Variants in TCERG1L observed in about 807,000 individuals in gnomAD.
TCERG1L encodes the protein transcription elongation regulator 1 like.
A neutral mutation model predicts 56.3 loss-of-function variants in TCERG1L; 37 were observed. The observed-to-expected ratio is 0.66, with a 90% CI of 0.51 to 0.87. The LOEUF is 0.87. TCERG1L is among the 40% of genes least tolerant of loss of function. The pLI, the probability that TCERG1L is intolerant of heterozygous loss-of-function variation, is 0.00. For synonymous variants in TCERG1L, 324 were observed against 326.3 expected, an observed-to-expected ratio of 0.99 and a Z score of 0.08; for missense variants, 799 against 774.2, an observed-to-expected ratio of 1.03 and a Z score of -0.38.
intron 4 of TCERG1L, among the ~76,000 whole-genome samples, chr10:131,253,318 C>T (rs975050277): frequency 1.3e-5 from 2 of 152,228 alleles, no homozygotes; most frequent in Non-Finnish European, 2.9e-5. Flanking sequence ...GAGTCCCGCC[C>T]TCACTCTGCC....
rs553330415 is a variant in TCERG1L at position 131,165,849 on chromosome 10, G to C, written c.945+948C>G. Among the ~76,000 whole-genome samples the C allele has an allele frequency of 3.2e-4, 49 of 152,324 alleles. No homozygotes were observed. The South Asian group carries it at 9.9e-3, about 31-fold the overall frequency. On this transcript the variant is annotated intron_variant, in intron 5 of 11. Coordinates refer to ENST00000368642, the MANE Select transcript of TCERG1L (RefSeq NM_174937.4). ...TTGGTGATAAAAACGGCTAATCATGGTATAAAACTCTTGTTCCACGTTGAA... is the reference window on the plus strand; with the variant it reads ...TTGGTGATAAAAACGGCTAATCATGCTATAAAACTCTTGTTCCACGTTGAA...
At chr10:131,245,852 C>T (rs1313825210) in intron 4 of TCERG1L, among the ~76,000 whole-genome samples, 1 of 152,098 alleles carries the variant, frequency 6.6e-6, no homozygotes, top group Non-Finnish European at 1.5e-5. Flanking sequence ...AAGGGCTGGC[C>T]AGGAGTCCTG....
At chr10:131,100,455 T>C (rs189453846) in intron 10 of TCERG1L, among the ~76,000 whole-genome samples, 2 of 152,374 alleles carry the variant, frequency 1.3e-5, no homozygotes, top group Non-Finnish European at 2.9e-5. Flanking sequence ...CTTTATTTTA[T>C]GCTGCTATAA....
intron 4 of TCERG1L, among the ~76,000 whole-genome samples, chr10:131,248,769 G>A (rs906348843): frequency 3.9e-5 from 6 of 152,178 alleles, no homozygotes; most frequent in Admixed American, 1.3e-4. Flanking sequence ...CCAAGTCTCC[G>A]GCAGAGCTGA....
chr10:131,093,641 G>A (rs1367048917), intron 11 of TCERG1L, among the ~76,000 whole-genome samples: 1 of 152,164 alleles, frequency 6.6e-6, no homozygotes. Flanking sequence ...AGCTTTGCTG[G>A]CCAGGTCTCC....
intron 4 of TCERG1L, among the ~76,000 whole-genome samples, chr10:131,208,984 G>A (rs1194064176): frequency 2.6e-5 from 4 of 151,160 alleles, no homozygotes; most frequent in Non-Finnish European, 4.4e-5. Context: ...CGTGAACCCG[G>A]GAGGTGGAGG....
At chr10:131,154,025 G>T (rs1845893940) in intron 6 of TCERG1L, among the ~76,000 whole-genome samples, 1 of 152,176 alleles carries the variant, frequency 6.6e-6, no homozygotes, top group South Asian at 2.1e-4. Flanking sequence ...GACGGGGCCA[G>T]CTGTAACACG....
intron 10 of TCERG1L, among the ~76,000 whole-genome samples, chr10:131,101,864 C>G (rs112220161): frequency 6.6e-6 from 1 of 152,048 alleles, no homozygotes; most frequent in African/African-American, 2.4e-5. Flanking sequence ...TTACACTTGG[C>G]TAATTTTTGG....
At chr10:131,198,622 C>T (rs776717417) in intron 4 of TCERG1L, among the ~76,000 whole-genome samples, 22 of 152,230 alleles carry the variant, frequency 1.4e-4, no homozygotes, top group Non-Finnish European at 2.8e-4. Flanking sequence ...GGTGCTGGAG[C>T]GGCCCCACAG....
At chr10:131,137,295 C>T (rs117467356) in intron 7 of TCERG1L, among the ~76,000 whole-genome samples, 3,195 of 152,310 alleles carry the variant, frequency 0.021, 47 homozygotes, top group South Asian at 0.041. Flanking sequence ...GGGTCCCGAG[C>T]TCTCACTGTG....
At chr10:131,159,993 C>T (rs1254223918) in intron 6 of TCERG1L, among the ~76,000 whole-genome samples, 1 of 152,200 alleles carries the variant, frequency 6.6e-6, no homozygotes, top group Non-Finnish European at 1.5e-5. Context: ...CAAGCCTAGG[C>T]TCTCTCTGCA....
chr10:131,220,996 A>T (rs547420676), intron 4 of TCERG1L, among the ~76,000 whole-genome samples: 1 of 152,142 alleles, frequency 6.6e-6, no homozygotes, highest in Non-Finnish European at 1.5e-5. Context: ...GCAACTGGAC[A>T]CCTGCAGTGT....
At chr10:131,283,485 A>G (rs1392981112) in intron 3 of TCERG1L, among the ~76,000 whole-genome samples, 1 of 152,228 alleles carries the variant, frequency 6.6e-6, no homozygotes, top group African/African-American at 2.4e-5. Context: ...GATAAGCTCA[A>G]AGTTAAAGAA....
chr10:131,151,988 G>A (rs1026373221), intron 6 of TCERG1L, among the ~76,000 whole-genome samples: 2 of 152,164 alleles, frequency 1.3e-5, no homozygotes, highest in African/African-American at 4.8e-5. Context: ...AAGCAGCTAG[G>A]ATGCAGGGCA....
chr10:131,243,771 T>C (rs1017658723), intron 4 of TCERG1L, among the ~76,000 whole-genome samples: 1 of 152,212 alleles, frequency 6.6e-6, no homozygotes, highest in African/African-American at 2.4e-5. Context: ...GCAGATGACC[T>C]GATGCACAAG....
intron 8 of TCERG1L, among the ~76,000 whole-genome samples, chr10:131,130,278 C>G (rs1373125884): frequency 6.6e-6 from 1 of 152,138 alleles, no homozygotes; most frequent in Non-Finnish European, 1.5e-5. Context: ...CAGGGAAAGA[C>G]TGCCCTGGTG....
intron 11 of TCERG1L, among the ~76,000 whole-genome samples, chr10:131,097,380 C>A (rs1248989499): frequency 6.6e-6 from 1 of 152,170 alleles, no homozygotes; most frequent in African/African-American, 2.4e-5. Context: ...CGGAGACTCA[C>A]TCTGTCGCCC....
intron 4 of TCERG1L, among the ~76,000 whole-genome samples, chr10:131,172,645 C>T (rs971870679): frequency 1.3e-5 from 2 of 152,236 alleles, no homozygotes; most frequent in Non-Finnish European, 2.9e-5. Flanking sequence ...GACCAGCTCA[C>T]GCGAGCCTTG....
At chr10:131,222,979 T>G (rs1589753486) in intron 4 of TCERG1L, among the ~76,000 whole-genome samples, 1 of 152,170 alleles carries the variant, frequency 6.6e-6, no homozygotes, top group Admixed American at 6.5e-5. Flanking sequence ...AATGGCCTAG[T>G]TCTGGTGAGG....
Sources: allele counts gnomAD v4.1 joint callset (sites outside exome capture counted in the v4.1 genomes callset), GRCh38; gene constraint gnomAD v4.1.1; transcripts MANE v1.5; gene names NCBI Gene and HGNC (gene_info 2026-07-23, HGNC 2026-07-21).